The following NFXL1 variants were observed in gnomAD, a reference collection of about 807,000 sequenced individuals.
The protein encoded by NFXL1 is NF-X1-type zinc finger protein NFXL1.
A neutral mutation model predicts 123.3 loss-of-function variants in NFXL1; 66 were observed. The ratio of observed to expected loss-of-function variants is 0.54; its 90% CI spans 0.44 to 0.66. The LOEUF is 0.66. NFXL1 is among the 30% of genes least tolerant of loss of function. The pLI is 0.00. For missense variants in NFXL1, 944 were observed against 1,125.6 expected, an observed-to-expected ratio of 0.84 and a Z score of 2.31; for synonymous variants, 346 against 360.8, an observed-to-expected ratio of 0.96 and a Z score of 0.46.
At chr4:47,912,386 T>C (rs1374124611) in intron 2 of NFXL1, among the ~76,000 whole-genome samples, 2 of 152,066 alleles carry the variant, frequency 1.3e-5, no homozygotes, top group Admixed American at 1.3e-4. Flanking sequence ...CAAGACAACC[T>C]TCTCACGTAT....
intron 18 of NFXL1, among the ~76,000 whole-genome samples, chr4:47,871,798 A>G (rs1166688372): frequency 6.6e-6 from 1 of 152,218 alleles, no homozygotes; most frequent in African/African-American, 2.4e-5. Flanking sequence ...CTATAATTTA[A>G]CAAAGCATGA....
At chr4:47,890,750 G>C in intron 11 of NFXL1, 47 bp from the exon 12 acceptor site, 1 of 1,025,922 alleles carries the variant, frequency 9.7e-7, no homozygotes, top group Middle Eastern at 2.0e-4. Context: ...AAAAACCCAT[G>C]AATAATAGGC....
At chr4:47,890,766 A>G in intron 11 of NFXL1, 63 bp from the exon 12 acceptor site, 1 of 859,118 alleles carries the variant, frequency 1.2e-6, no homozygotes, top group Non-Finnish European at 2.0e-6. Context: ...TAGGCATGTC[A>G]TTACTAGTTA....
At chr4:47,908,937 AG>A (rs1737691105) in intron 3 of NFXL1, among the ~76,000 whole-genome samples, 1 of 140,922 alleles carries the variant, frequency 7.1e-6, no homozygotes, top group African/African-American at 2.6e-5. Context: ...CCTGGGCGAC[AG>A]AGTGAGACTC....
chr4:47,852,781 T>C (rs35643579), intron 20 of NFXL1, among the ~76,000 whole-genome samples: 1 of 152,104 alleles, frequency 6.6e-6, no homozygotes, highest in Admixed American at 6.6e-5. Flanking sequence ...CATTCATTTA[T>C]TGCTGCCAAT....
chr4:47,902,116 T>C (rs1223888974), intron 5 of NFXL1, among the ~76,000 whole-genome samples: 3 of 151,954 alleles, frequency 2.0e-5, no homozygotes, highest in Non-Finnish European at 2.9e-5. Context: ...CGACAAGCAG[T>C]GGCTACAGCG....
Position 47,905,254 on chromosome 4 carries a change from C to A in NFXL1, c.499G>T (p.Val167Leu). ...AMTCLICIAS[V>L]KRNQAVWSCS... ...AAACTTACTGCTTGGTTTCTCTTCA[C>A]CGAAGCAATACAAATTAGGCATGTC... The change falls in exon 4 of 23, where the codon GTG becomes TTG. Residue 167 changes from valine to leucine, a missense_variant. By Grantham distance (32) the Val-to-Leu change is conservative. Coordinates refer to ENST00000507489, the MANE Select transcript of NFXL1 (RefSeq NM_001278624.2). 6.5e-7 allele frequency: 1 copy of A among 1,541,436 alleles called. No homozygotes were observed. The highest frequency in any genetic ancestry group is 8.9e-7 in the Non-Finnish European group (1 of 1,119,248).
intron 14 of NFXL1, 87 bp from the exon 15 acceptor site, chr4:47,884,524 C>T (rs1736311595): frequency 2.6e-5 from 20 of 774,590 alleles, no homozygotes; most frequent in Non-Finnish European, 3.2e-5. Context: ...TTCCATGTAT[C>T]CTCTGCTCAA....
intron 9 of NFXL1, 163 bp from the exon 10 acceptor site, chr4:47,896,810 C>A: frequency 1.8e-6 from 1 of 547,710 alleles, no homozygotes; most frequent in Non-Finnish European, 3.2e-6. Flanking sequence ...GAAAATAATC[C>A]CTAATATTTG....
At chr4:47,850,806 C>T (rs1734073843) in intron 22 of NFXL1, among the ~76,000 whole-genome samples, 1 of 151,856 alleles carries the variant, frequency 6.6e-6, no homozygotes, top group Non-Finnish European at 1.5e-5. Flanking sequence ...ACTCCCCAGC[C>T]AAAGGAGGAA....
rs748866961 is a variant in NFXL1, at chr4:47,898,095, C to T, written c.1090-14G>A. On this transcript the variant is annotated splice_polypyrimidine_tract_variant and intron_variant, in intron 8 of 22. Coordinates refer to ENST00000507489, the MANE Select transcript of NFXL1 (RefSeq NM_001278624.2). Reference sequence around the variant, plus strand: ...TTTTCCACATACCTAAAATAAAATGCAATAAACACTAATGAAGGATTTAAA... The same window carrying T: ...TTTTCCACATACCTAAAATAAAATGTAATAAACACTAATGAAGGATTTAAA... 6.1e-6 allele frequency: 9 copies of T among 1,474,440 alleles called. No homozygotes were observed. The highest frequency in any genetic ancestry group is 8.4e-6 in the Non-Finnish European group (9 of 1,068,442). The allele number at this position is 1,474,440 out of a possible 1,614,324, so 91.3% of individuals were successfully genotyped here. A position where few individuals can be genotyped will look rare whatever the true frequency, so the allele number is the denominator to read the frequency against.
chr4:47,878,949 T>A, intron 16 of NFXL1, 147 bp downstream of exon 16: 1 of 548,254 alleles, frequency 1.8e-6, no homozygotes, highest in Non-Finnish European at 3.2e-6. Context: ...ACATATTTTT[T>A]AAATTAGTAG....
intron 9 of NFXL1, among the ~76,000 whole-genome samples, chr4:47,896,911 T>G (rs746613863): frequency 6.6e-6 from 1 of 152,228 alleles, no homozygotes; most frequent in African/African-American, 2.4e-5. Context: ...GAAATAGTTA[T>G]CTAAAGAAAT....
At chr4:47,877,095 T>C (rs773475424) in intron 17 of NFXL1, 29 of 968,008 alleles carry the variant, frequency 3.0e-5, no homozygotes, top group African/African-American at 2.5e-4. Context: ...GAAGAGCACA[T>C]TGGGCTGGGA....
intron 2 of NFXL1, among the ~76,000 whole-genome samples, chr4:47,912,084 C>A (rs955840164): frequency 1.6e-4 from 25 of 152,086 alleles, no homozygotes; most frequent in Admixed American, 1.6e-3. Flanking sequence ...CTTATTGCAG[C>A]CAGTTTGGTT....
chr4:47,866,684 T>C (rs1735095161), intron 18 of NFXL1, among the ~76,000 whole-genome samples: 1 of 152,264 alleles, frequency 6.6e-6, no homozygotes, highest in Non-Finnish European at 1.5e-5. Context: ...CTTGTAAGAC[T>C]AGCCCTTGGC....
chr4:47,913,982 A>C lies in NFXL1; in HGVS notation c.222T>G (p.Thr74=), dbSNP rs759639307. The change falls in exon 2 of 23, where the codon ACT becomes ACG. Residue 74 remains threonine (T), a synonymous_variant. Coordinates refer to ENST00000507489, the MANE Select transcript of NFXL1 (RefSeq NM_001278624.2). ...HSPAGSQALQ[T]TAASELMSQK... Reference sequence around the variant, plus strand: ...AGCCATTCTCACCGCTGGCTGCGGTAGTCTGCAGGGCTTGGGATCCTGCGG... The same window carrying C: ...AGCCATTCTCACCGCTGGCTGCGGTCGTCTGCAGGGCTTGGGATCCTGCGG... 2 of 1,546,364 alleles carry C rather than the reference A, an allele frequency of 1.3e-6. No individual in the cohort carries two copies. The highest frequency in any genetic ancestry group is 1.7e-6 in the Non-Finnish European group (2 of 1,145,572).
intron 10 of NFXL1, among the ~76,000 whole-genome samples, chr4:47,895,955 C>T (rs373320613): frequency 5.3e-4 from 80 of 152,238 alleles, no homozygotes; most frequent in African/African-American, 1.9e-3. Flanking sequence ...GTAGAGTTAT[C>T]AATTGGCCTA....
chr4:47,875,672 T>C (rs1283956587), intron 17 of NFXL1, among the ~76,000 whole-genome samples: 1 of 152,148 alleles, frequency 6.6e-6, no homozygotes, highest in African/African-American at 2.4e-5. Context: ...TTCTATACGA[T>C]AATCAACACT....
Sources: gnomAD v4.1 joint callset for allele counts (sites outside exome capture counted in the v4.1 genomes callset) on GRCh38, gnomAD v4.1.1 for gene constraint, MANE v1.5 for transcripts, NCBI Gene and HGNC (gene_info 2026-07-23, HGNC 2026-07-21) for gene names.